SHROOM4: variants seen among roughly 807,000 people sequenced by gnomAD.
SHROOM4 encodes protein Shroom4.
In SHROOM4, 17 loss-of-function variants were observed where a neutral mutation model predicts 80.3. That is an observed-to-expected ratio of 0.21 (90% CI 0.14 to 0.32). The LOEUF is 0.32. SHROOM4 is among the 10% of genes least tolerant of loss of function. The pLI is 1.00. For synonymous variants in SHROOM4, 400 were observed against 437.5 expected, an observed-to-expected ratio of 0.91 and a Z score of 1.07; for missense variants, 993 against 1,140.3, an observed-to-expected ratio of 0.87 and a Z score of 1.86.
chrX:50,742,358 C>A (rs1276947262), intron 1 of SHROOM4, among the ~76,000 whole-genome samples: 1 of 111,052 alleles, frequency 9.0e-6, no homozygotes, highest in Non-Finnish European at 1.9e-5. Context: ...TAACTAATAC[C>A]GATACACTTA....
intron 2 of SHROOM4, among the ~76,000 whole-genome samples, chrX:50,640,785 C>T (rs17003377): frequency 0.022 from 2,472 of 112,117 alleles, 81 homozygotes; most frequent in African/African-American, 0.077. Context: ...GATTCTGTGC[C>T]TTTGCTGTTG....
At chrX:50,786,367 A>G (rs1260251171) in intron 1 of SHROOM4, among the ~76,000 whole-genome samples, 2 of 112,110 alleles carry the variant, frequency 1.8e-5, no homozygotes, top group African/African-American at 6.5e-5. Flanking sequence ...AGCTTAGCAC[A>G]GAGCCAGCAG....
intron 5 of SHROOM4, among the ~76,000 whole-genome samples, chrX:50,621,290 CTGTT>C (rs1316058906): frequency 3.6e-5 from 4 of 111,558 alleles, no homozygotes; most frequent in African/African-American, 6.5e-5. Flanking sequence ...TTTAATTTCA[CTGTT>C]TGACTTTTTT....
At chrX:50,616,685 C>T (rs946678769) in intron 5 of SHROOM4, among the ~76,000 whole-genome samples, 3 of 111,481 alleles carry the variant, frequency 2.7e-5, no homozygotes, top group South Asian at 3.8e-4. Context: ...TTTCATACCT[C>T]TGTGGTGGGA....
intron 1 of SHROOM4, among the ~76,000 whole-genome samples, chrX:50,754,993 A>G (rs1317337226): frequency 1.8e-5 from 2 of 112,296 alleles, no homozygotes; most frequent in African/African-American, 6.5e-5. Flanking sequence ...TCCTGTGAAA[A>G]GGCTATCTTC....
intron 2 of SHROOM4, among the ~76,000 whole-genome samples, chrX:50,639,807 T>C (rs1931518443): frequency 9.0e-6 from 1 of 111,668 alleles, no homozygotes; most frequent in African/African-American, 3.3e-5. Context: ...ATAGCCTTGC[T>C]GGGGAAAACA....
chrX:50,811,120 C>T (rs1370325172), intron 1 of SHROOM4, among the ~76,000 whole-genome samples: 2 of 110,415 alleles, frequency 1.8e-5, no homozygotes, highest in East Asian at 5.7e-4. Flanking sequence ...CCAGTTTGGG[C>T]AACATGGTGA....
rs1341453111 is a variant in SHROOM4 at position 50,607,903 on chromosome X, A to T, written c.3239T>A (p.Leu1080His). 6.6e-6 allele frequency: 8 copies of T among 1,208,571 alleles called. No homozygotes were observed. The African/African-American group carries it at 1.4e-4, about 21-fold the overall frequency. The change falls in exon 6 of 9, where the codon CTC (leucine) becomes CAC (histidine). Residue 1080 changes from leucine to histidine, a missense_variant. Transcript: ENST00000376020. The part of the protein sequence containing the change: ...TRAWGQHRRE[L>H]FSKGDETQSD... ...CTGGGTCTCATCACCTTTGCTAAAGAGCTCCCTCCTATGCTGCCCCCAGGC... is the reference window on the plus strand; with the variant it reads ...CTGGGTCTCATCACCTTTGCTAAAGTGCTCCCTCCTATGCTGCCCCCAGGC...
chrX:50,811,133 T>C (rs1028479277), intron 1 of SHROOM4, among the ~76,000 whole-genome samples: 1 of 108,933 alleles, frequency 9.2e-6, no homozygotes, highest in Non-Finnish European at 1.9e-5. Flanking sequence ...CATGGTGAAA[T>C]ACAAAAATAC....
At chrX:50,796,615 T>C (rs1297775119) in intron 1 of SHROOM4, among the ~76,000 whole-genome samples, 2 of 111,611 alleles carry the variant, frequency 1.8e-5, no homozygotes. Context: ...GAAACTAAAA[T>C]TCTTGGATAG....
intron 1 of SHROOM4, among the ~76,000 whole-genome samples, chrX:50,720,859 A>T (rs951397171): frequency 1.7e-4 from 19 of 112,244 alleles, no homozygotes; most frequent in African/African-American, 6.1e-4. Flanking sequence ...GAAGAAAAAA[A>T]AAATGTTCAA....
chrX:50,637,885 T>TA (rs1557256405), intron 3 of SHROOM4, among the ~76,000 whole-genome samples: 1 of 111,679 alleles, frequency 9.0e-6, no homozygotes, highest in African/African-American at 3.3e-5. Flanking sequence ...GGAAAAGAGA[T>TA]ACGGAGAAAG....
rs1222053528 is a variant in SHROOM4, at chrX:50,587,673, C to A, written c.*9022G>T. ...CTCTTTCATTAGGATAAAAGCCCCA[C>A]GAGAGTGGGGACTTTGTCTATCTTG... On this transcript the variant is annotated 3_prime_UTR_variant, in exon 9 of 9. Coordinates refer to ENST00000376020, the MANE Select transcript of SHROOM4 (RefSeq NM_020717.5). Among the ~76,000 whole-genome samples the A allele has an allele frequency of 8.9e-6, 1 of 111,983 alleles. No homozygotes were observed. The highest frequency in any genetic ancestry group is 9.4e-5 in the Admixed American group (1 of 10,601).
chrX:50,795,090 TA>T lies in SHROOM4; in HGVS notation c.117+18811del, dbSNP rs1569549141. 8.3e-4 allele frequency among the ~76,000 whole-genome samples: 47 copies of T among 56,525 alleles called. 3 individuals carry two copies. Among genetic ancestry groups the T allele is most frequent in the South Asian group, 1.9e-3 (2 of 1,078 alleles). The allele number at this position is 56,525 out of a possible 115,157, so 49.1% of individuals were successfully genotyped here. ...ATATATATATGATATATATATATGA[TA>T]TATATATATGATATATATATATGAT... On this transcript the variant is annotated intron_variant, in intron 1 of 8. Coordinates refer to ENST00000376020, the MANE Select transcript of SHROOM4 (RefSeq NM_020717.5).
chrX:50,717,693 A>G (rs1557265023), intron 1 of SHROOM4, among the ~76,000 whole-genome samples: 1 of 111,251 alleles, frequency 9.0e-6, no homozygotes, highest in East Asian at 2.8e-4. Context: ...ACTTAAAAAG[A>G]CTCCAAGCCA....
intron 1 of SHROOM4, among the ~76,000 whole-genome samples, chrX:50,743,848 G>T (rs1462168215): frequency 1.8e-5 from 2 of 111,642 alleles, no homozygotes; most frequent in Non-Finnish European, 3.8e-5. Flanking sequence ...TCTTTATTTC[G>T]CCTACATTTT....
chrX:50,806,110 G>A (rs1482211682), intron 1 of SHROOM4, among the ~76,000 whole-genome samples: 2 of 111,496 alleles, frequency 1.8e-5, no homozygotes, highest in Non-Finnish European at 1.9e-5. Context: ...TGAATGAGAC[G>A]GTCCAAAATG....
intron 1 of SHROOM4, among the ~76,000 whole-genome samples, chrX:50,808,453 T>A (rs1250416288): frequency 9.0e-6 from 1 of 111,557 alleles, no homozygotes; most frequent in Non-Finnish European, 1.9e-5. Context: ...ACTCTGAGAT[T>A]CTTTGATTCT....
intron 2 of SHROOM4, among the ~76,000 whole-genome samples, chrX:50,693,639 T>A: frequency 9.2e-6 from 1 of 108,492 alleles, no homozygotes; most frequent in East Asian, 2.9e-4. Flanking sequence ...GGGGTACATG[T>A]ATCATTCTGA....
Sources: allele counts gnomAD v4.1 joint callset (sites outside exome capture counted in the v4.1 genomes callset), GRCh38; gene constraint gnomAD v4.1.1; transcripts MANE v1.5; gene names NCBI Gene and HGNC (gene_info 2026-07-23, HGNC 2026-07-21).